Variants in SPATA6 observed in about 807,000 individuals in gnomAD.
The protein encoded by SPATA6 is spermatogenesis-associated protein 6.
In SPATA6, 56 loss-of-function variants were observed where a neutral mutation model predicts 65.3. The ratio of observed to expected loss-of-function variants is 0.86; its 90% CI spans 0.69 to 1.07. The LOEUF (loss-of-function observed/expected upper bound fraction) is 1.07, where lower values mean the gene tolerates loss of function less well. Ranked by LOEUF, SPATA6 falls within the 50% of genes least tolerant of loss-of-function variation. SPATA6 has a pLI of 0.00. For synonymous variants in SPATA6, 199 were observed against 213.2 expected, an observed-to-expected ratio of 0.93 and a Z score of 0.58; for missense variants, 590 against 594.8, an observed-to-expected ratio of 0.99 and a Z score of 0.08.
the SPATA6 span, among the ~76,000 whole-genome samples, chr1:48,269,756 AATAC>A: frequency 6.6e-6 from 1 of 151,640 alleles, no homozygotes; most frequent in Non-Finnish European, 1.5e-5. Context: ...GCAAAGTATA[AATAC>A]ACTTATATAA....
intron 3 of SPATA6, among the ~76,000 whole-genome samples, chr1:48,429,152 T>C (rs2148051166): frequency 6.6e-6 from 1 of 151,648 alleles, no homozygotes; most frequent in South Asian, 2.1e-4. Flanking sequence ...AAAAATCCTG[T>C]CCTCCAAATA....
the SPATA6 span, among the ~76,000 whole-genome samples, chr1:48,283,240 G>T: frequency 6.6e-6 from 1 of 150,768 alleles, no homozygotes; most frequent in Non-Finnish European, 1.5e-5. Flanking sequence ...GCTAAATGAC[G>T]AGTTGATGGG....
At chr1:48,294,014 G>A (rs1644784838), downstream of SPATA6, among the ~76,000 whole-genome samples, 1 of 152,220 alleles carries the variant, frequency 6.6e-6, no homozygotes, top group Non-Finnish European at 1.5e-5. Context: ...TTAACAAAAT[G>A]TTGGATTTTC....
intron 3 of SPATA6, among the ~76,000 whole-genome samples, chr1:48,439,074 C>T (rs181711261): frequency 6.6e-6 from 1 of 152,208 alleles, no homozygotes; most frequent in East Asian, 1.9e-4. Context: ...TATGGCCCTC[C>T]ACTTCATTTT....
chr1:48,270,730 A>T, the SPATA6 span, among the ~76,000 whole-genome samples: 8 of 151,944 alleles, frequency 5.3e-5, no homozygotes, highest in African/African-American at 9.7e-5. Flanking sequence ...AAGAGGAAAA[A>T]AAAAAAACCA....
At chr1:48,358,675 ATTG>A (rs1224267969) in intron 10 of SPATA6, among the ~76,000 whole-genome samples, 2 of 151,544 alleles carry the variant, frequency 1.3e-5, no homozygotes, top group African/African-American at 4.8e-5. Flanking sequence ...TTTTGATGTT[ATTG>A]TTGTTGTTTG....
chr1:48,462,739 A>G (rs188822883), intron 1 of SPATA6, among the ~76,000 whole-genome samples: 1 of 152,342 alleles, frequency 6.6e-6, no homozygotes. Flanking sequence ...CAAACATAAT[A>G]ACATAGAGAC....
chr1:48,365,469 T>C (rs1646971900), intron 9 of SPATA6, among the ~76,000 whole-genome samples: 2 of 152,210 alleles, frequency 1.3e-5, no homozygotes, highest in South Asian at 4.1e-4. Flanking sequence ...TCCTCTTTTA[T>C]TTCCTTGAGC....
At chr1:48,367,344 G>A (rs573090035) in intron 9 of SPATA6, among the ~76,000 whole-genome samples, 9 of 152,076 alleles carry the variant, frequency 5.9e-5, no homozygotes, top group East Asian at 3.9e-4. Context: ...CAATTCCTGG[G>A]TATCCTTGTT....
At chr1:48,271,387 G>A in the SPATA6 span, among the ~76,000 whole-genome samples, 1 of 152,094 alleles carries the variant, frequency 6.6e-6, no homozygotes, top group African/African-American at 2.4e-5. Flanking sequence ...TCTGAACTGA[G>A]GAACTATTTC....
chr1:48,437,159 T>A, intron 3 of SPATA6: 1 of 1,606,352 alleles, frequency 6.2e-7, no homozygotes, highest in Non-Finnish European at 8.5e-7. Context: ...TTGCCTCCAG[T>A]GTTACCTTGG....
At chr1:48,365,862 G>A (rs1325681145) in intron 9 of SPATA6, among the ~76,000 whole-genome samples, 2 of 152,270 alleles carry the variant, frequency 1.3e-5, no homozygotes, top group East Asian at 3.9e-4. Flanking sequence ...GGGCATCCCT[G>A]TCTTGTGCCA....
chr1:48,365,300 A>G (rs1425694262), intron 9 of SPATA6, among the ~76,000 whole-genome samples: 4 of 152,096 alleles, frequency 2.6e-5, no homozygotes, highest in African/African-American at 9.7e-5. Context: ...TTGGTTCCAT[A>G]TGAACTTTAA....
chr1:48,441,621 A>G (rs1390966294), intron 3 of SPATA6, among the ~76,000 whole-genome samples: 2 of 152,028 alleles, frequency 1.3e-5, no homozygotes, highest in Non-Finnish European at 1.5e-5. Context: ...AAGCCTTCCC[A>G]TAGGACAAAA....
chr1:48,350,760 C>T (rs1646494422), intron 11 of SPATA6, among the ~76,000 whole-genome samples: 1 of 151,900 alleles, frequency 6.6e-6, no homozygotes, highest in African/African-American at 2.4e-5. Flanking sequence ...CAATATAACA[C>T]AATCTTCATT....
At chr1:48,394,043 A>G (rs1054461328) in intron 8 of SPATA6, among the ~76,000 whole-genome samples, 3 of 152,144 alleles carry the variant, frequency 2.0e-5, no homozygotes, top group African/African-American at 7.2e-5. Flanking sequence ...ACAGACTCAT[A>G]TACAGACAGA....
chr1:48,455,381 C>CTT (rs760784000), intron 1 of SPATA6, among the ~76,000 whole-genome samples: 8 of 144,010 alleles, frequency 5.6e-5, no homozygotes, highest in East Asian at 2.0e-4. Context: ...ACCTCTTTAA[C>CTT]TTTTTTTTTT....
At chr1:48,299,516 G>GAAAAAAAAAAAA (rs58072004) in intron 12 of SPATA6, among the ~76,000 whole-genome samples, 1,316 of 38,166 alleles carry the variant, frequency 0.034, 248 homozygotes, top group Middle Eastern at 0.088. Context: ...CTCCGTCTCG[G>GAAAAAAAAAAAA]AAAAAAAAAA....
chr1:48,471,909 G>A, intron 1 of SPATA6, 49 bp downstream of exon 1: 1 of 1,601,062 alleles, frequency 6.2e-7, no homozygotes, highest in South Asian at 1.1e-5. Context: ...GGTGACTGAG[G>A]GAGTCCCTGA....
Sources: allele counts gnomAD v4.1 joint callset (sites outside exome capture counted in the v4.1 genomes callset), GRCh38; gene constraint gnomAD v4.1.1; transcripts MANE v1.5; gene names NCBI Gene and HGNC (gene_info 2026-07-23, HGNC 2026-07-21).